The following FLT1 variants were observed in gnomAD, a reference collection of about 807,000 sequenced individuals.
FLT1 encodes the protein vascular endothelial growth factor receptor 1.
In FLT1, 49 loss-of-function variants were observed where a neutral mutation model predicts 156.3. The ratio of observed to expected loss-of-function variants is 0.31; its 90% confidence interval spans 0.25 to 0.40. The LOEUF is 0.40. Ranked by LOEUF, FLT1 falls within the 10% of genes least tolerant of loss-of-function variation. FLT1 has a pLI of 1.00. For missense variants in FLT1, 1,322 were observed against 1,637.2 expected (o/e 0.81, Z 3.32); for synonymous variants, 594 against 583.8 (o/e 1.02, Z -0.25).
At chr13:28,435,671 T>G (rs1275292121) in intron 4 of FLT1, among the ~76,000 whole-genome samples, 1 of 152,246 alleles carries the variant, frequency 6.6e-6, no homozygotes, top group Non-Finnish European at 1.5e-5. Flanking sequence ...TCTGGATTTG[T>G]GATCCTATGG....
chr13:28,468,086 A>C (rs1428955818), intron 1 of FLT1, among the ~76,000 whole-genome samples: 1 of 152,226 alleles, frequency 6.6e-6, no homozygotes, highest in Admixed American at 6.5e-5. Flanking sequence ...TAAAAAGTAC[A>C]GAAATTTTCC....
At chr13:28,461,190 A>T (rs1879557358) in intron 3 of FLT1, among the ~76,000 whole-genome samples, 1 of 151,996 alleles carries the variant, frequency 6.6e-6, no homozygotes, top group African/African-American at 2.4e-5. Context: ...ATAGCCCATT[A>T]ATGAATTTGG....
chr13:28,451,681 G>T (rs560245352), intron 3 of FLT1, among the ~76,000 whole-genome samples: 1 of 151,856 alleles, frequency 6.6e-6, no homozygotes, highest in Non-Finnish European at 1.5e-5. Context: ...AGTCAGGGGA[G>T]GAGTCGGGCT....
chr13:28,365,964 T>C (rs1415501071), intron 14 of FLT1, among the ~76,000 whole-genome samples: 3 of 152,168 alleles, frequency 2.0e-5, no homozygotes, highest in Non-Finnish European at 4.4e-5. Context: ...GATAAAATAA[T>C]GGAAGGGGGA....
intron 14 of FLT1, among the ~76,000 whole-genome samples, chr13:28,364,081 T>C (rs1451623036): frequency 6.6e-6 from 1 of 152,246 alleles, no homozygotes; most frequent in African/African-American, 2.4e-5. Context: ...GTCCTATTTG[T>C]CTTTTTGTCA....
chr13:28,438,584 C>CCA (rs1407485203), intron 3 of FLT1, among the ~76,000 whole-genome samples: 1 of 152,102 alleles, frequency 6.6e-6, no homozygotes, highest in Non-Finnish European at 1.5e-5. Flanking sequence ...TCAGATTGCC[C>CCA]CAATACCTTA....
At chr13:28,385,088 T>G in intron 13 of FLT1, 57 bp from the exon 14 acceptor site, 3 of 1,543,914 alleles carry the variant, frequency 1.9e-6, no homozygotes, top group Non-Finnish European at 1.8e-6. Context: ...TTGTATTGTC[T>G]ATGCATATCA....
rs1870579646 is a variant in FLT1, at chr13:28,303,068, T to TA, written c.*98dup. ...AAAGCAGCTGGCTCCCATGGAAAGATAAAGGTGTAAACTTATATATGCATA... is the reference window on the plus strand; with the variant it reads ...AAAGCAGCTGGCTCCCATGGAAAGATAAAAGGTGTAAACTTATATATGCATA... On this transcript the variant is annotated 3_prime_UTR_variant, in exon 30 of 30. Transcript: ENST00000282397. The TA allele has an allele frequency of 3.7e-6, 4 of 1,070,982 alleles. No homozygotes were observed. The Admixed American group carries it at 9.0e-5, about 24-fold the overall frequency. 66.3% of individuals were successfully genotyped at this position (1,070,982 alleles called of 1,614,324 possible). A position where few individuals can be genotyped will look rare whatever the true frequency, so the allele number is the denominator to read the frequency against.
chr13:28,389,090 C>A, intron 13 of FLT1: 1 of 1,064,356 alleles, frequency 9.4e-7, no homozygotes. Flanking sequence ...ACACCAACAT[C>A]TTGCACCCCT....
chr13:28,405,256 G>C (rs573532067), intron 11 of FLT1, among the ~76,000 whole-genome samples: 4 of 152,258 alleles, frequency 2.6e-5, no homozygotes, highest in African/African-American at 9.6e-5. Context: ...GTGTGTGTTT[G>C]CATATCCCCC....
chr13:28,478,872 A>C (rs891514196), intron 1 of FLT1, among the ~76,000 whole-genome samples: 1 of 152,230 alleles, frequency 6.6e-6, no homozygotes. Flanking sequence ...AGCCTTATCT[A>C]TTCTCCTCAT....
At chr13:28,488,968 G>A (rs571133742) in intron 1 of FLT1, among the ~76,000 whole-genome samples, 2 of 152,136 alleles carry the variant, frequency 1.3e-5, no homozygotes, top group Non-Finnish European at 2.9e-5. Context: ...TGTATAACAC[G>A]CTGCAGGAAA....
At chr13:28,325,646 C>G (rs1260333919) in intron 20 of FLT1, among the ~76,000 whole-genome samples, 1 of 151,932 alleles carries the variant, frequency 6.6e-6, no homozygotes, top group South Asian at 2.1e-4. Flanking sequence ...AACTCCGTCT[C>G]TACCAAAATA....
intron 13 of FLT1, chr13:28,389,033 G>A: frequency 9.4e-7 from 1 of 1,064,292 alleles, no homozygotes; most frequent in Non-Finnish European, 1.1e-6. Context: ...TGATTTGGAT[G>A]GACTCTTATA....
chr13:28,386,653 T>A, intron 13 of FLT1: 8 of 1,057,098 alleles, frequency 7.6e-6, no homozygotes, highest in Non-Finnish European at 9.2e-6. Flanking sequence ...TTTTCCTAAT[T>A]GAAAATGCAG....
chr13:28,358,002 A>T (rs759240942), intron 14 of FLT1, among the ~76,000 whole-genome samples: 1 of 151,386 alleles, frequency 6.6e-6, no homozygotes, highest in Admixed American at 6.6e-5. Context: ...GCCATGCCCA[A>T]CTTGAAAGTT....
intron 25 of FLT1, among the ~76,000 whole-genome samples, chr13:28,315,842 G>A (rs1566281664): frequency 6.6e-6 from 1 of 152,274 alleles, no homozygotes; most frequent in East Asian, 1.9e-4. Context: ...GTGGTCTAGG[G>A]ACATCAGTCC....
At chr13:28,468,679 A>T (rs1014267759) in intron 1 of FLT1, among the ~76,000 whole-genome samples, 2 of 151,990 alleles carry the variant, frequency 1.3e-5, no homozygotes, top group African/African-American at 2.4e-5. Context: ...GATTATCTGA[A>T]AGTGTGTGGC....
chr13:28,310,995 A>G (rs1172588935), intron 27 of FLT1, among the ~76,000 whole-genome samples: 1 of 152,178 alleles, frequency 6.6e-6, no homozygotes, highest in African/African-American at 2.4e-5. Context: ...ACACAGGAGA[A>G]TGTCCTTCTT....
Sources: allele counts gnomAD v4.1 joint callset (sites outside exome capture counted in the v4.1 genomes callset), GRCh38; gene constraint gnomAD v4.1.1; transcripts MANE v1.5; gene names NCBI Gene and HGNC (gene_info 2026-07-23, HGNC 2026-07-21).